NDUFAF6: variants seen among roughly 807,000 people sequenced by gnomAD.
NDUFAF6 encodes the protein NADH:ubiquinone oxidoreductase complex assembly factor 6.
A neutral mutation model predicts 40.8 loss-of-function variants in NDUFAF6; 45 were observed. The ratio of observed to expected loss-of-function variants is 1.10; its 90% CI spans 0.87 to 1.42. NDUFAF6 has a LOEUF of 1.42. Among genes scored for constraint, NDUFAF6 ranks in the 40% most tolerant of loss-of-function variants. The pLI is 0.00. For synonymous variants in NDUFAF6, 185 were observed against 155.9 expected (o/e 1.19, Z -1.39); for missense variants, 435 against 418.5 (o/e 1.04, Z -0.34).
intron 2 of NDUFAF6, among the ~76,000 whole-genome samples, chr8:95,015,244 T>G (rs1172242195): frequency 6.6e-6 from 1 of 152,198 alleles, no homozygotes; most frequent in Non-Finnish European, 1.5e-5. Context: ...AGAGTGGTTC[T>G]TGGTTCTATA....
At chr8:94,986,939 T>C (rs1239750803) in intron 2 of NDUFAF6, among the ~76,000 whole-genome samples, 1 of 152,230 alleles carries the variant, frequency 6.6e-6, no homozygotes, top group African/African-American at 2.4e-5. Flanking sequence ...TATCAATGTT[T>C]ACCTTAGTAG....
intron 2 of NDUFAF6, among the ~76,000 whole-genome samples, chr8:95,011,741 G>C (rs926865000): frequency 1.3e-5 from 2 of 152,148 alleles, no homozygotes; most frequent in Admixed American, 1.3e-4. Context: ...GAATTTCAGG[G>C]ATTCAGACAC....
chr8:95,038,756 C>T (rs565886552), intron 3 of NDUFAF6, among the ~76,000 whole-genome samples: 1 of 152,132 alleles, frequency 6.6e-6, no homozygotes, highest in African/African-American at 2.4e-5. Context: ...CAGCTCACTG[C>T]AACGTCTGCT....
At chr8:94,958,521 T>C (rs1823276239) in intron 1 of NDUFAF6, among the ~76,000 whole-genome samples, 1 of 119,556 alleles carries the variant, frequency 8.4e-6, no homozygotes, top group Non-Finnish European at 1.7e-5. Context: ...ATAGTCACAT[T>C]CTTTTTTTTT....
chr8:95,078,849 T>A (rs1237698620), downstream of NDUFAF6, among the ~76,000 whole-genome samples: 5 of 152,154 alleles, frequency 3.3e-5, no homozygotes, highest in Admixed American at 2.6e-4. Context: ...CAGTGTGCAG[T>A]TCAGATTTGT....
chr8:94,941,044 A>G, intron 1 of NDUFAF6: 1 of 779,302 alleles, frequency 1.3e-6, no homozygotes, highest in Non-Finnish European at 2.1e-6. Flanking sequence ...ATTAAAGTGC[A>G]CAGGGTGCTT....
At chr8:95,042,447 C>T (rs1830250924) in intron 4 of NDUFAF6, among the ~76,000 whole-genome samples, 1 of 152,146 alleles carries the variant, frequency 6.6e-6, no homozygotes, top group Non-Finnish European at 1.5e-5. Context: ...GTCATCTTTT[C>T]TGTTTTACAA....
intron 2 of NDUFAF6, among the ~76,000 whole-genome samples, chr8:94,998,398 ACACACACACACACACACACG>A (rs1826557792): frequency 3.9e-5 from 6 of 151,994 alleles, no homozygotes; most frequent in Admixed American, 3.9e-4. Context: ...ACACACACAC[ACACACACACACACACACACG>A]CAATGACAGC....
chr8:95,060,036 G>T (rs1832533178), downstream of NDUFAF6, among the ~76,000 whole-genome samples: 1 of 131,362 alleles, frequency 7.6e-6, no homozygotes, highest in Admixed American at 7.6e-5. Context: ...CTTAAAAGGA[G>T]GGTTTAATTA....
intron 1 of NDUFAF6, among the ~76,000 whole-genome samples, chr8:94,898,710 TA>T: frequency 6.6e-6 from 1 of 152,330 alleles, no homozygotes; most frequent in East Asian, 1.9e-4. Context: ...TGATCTTTTT[TA>T]GGGTGAAGTA....
intron 1 of NDUFAF6, among the ~76,000 whole-genome samples, chr8:94,937,406 A>C (rs1213076268): frequency 2.7e-5 from 4 of 148,864 alleles, no homozygotes; most frequent in Admixed American, 1.4e-4. Context: ...CTGCCACTGC[A>C]CTCCAGCCTG....
chr8:95,082,618 T>G (rs1242217185), intron 2 of NDUFAF6, among the ~76,000 whole-genome samples: 1 of 151,560 alleles, frequency 6.6e-6, no homozygotes, highest in Admixed American at 6.5e-5. Context: ...GTTCATGTGT[T>G]CCTTAGCATT....
chr8:95,031,993 A>T lies in NDUFAF6; in HGVS notation c.198-2A>T. The T allele has an allele frequency of 6.2e-7, 1 of 1,613,470 alleles. No homozygotes were observed. The highest frequency in any genetic ancestry group is 8.5e-7 in the Non-Finnish European group (1 of 1,179,414). ...ACTGTCTTTTTTTTCTGTCTGTTAC[A>T]GGAAACGGGATTATGAAGGTTATTT... On this transcript the variant is annotated splice_acceptor_variant, in intron 1 of 8. Transcript: ENST00000396124. LOFTEE classifies it high-confidence loss of function.
chr8:94,948,647 C>T (rs991670920), intron 2 of NDUFAF6, among the ~76,000 whole-genome samples: 8 of 152,202 alleles, frequency 5.3e-5, no homozygotes, highest in Admixed American at 1.3e-4. Flanking sequence ...CGCCGGGCCA[C>T]AAGCCCAAGC....
chr8:95,006,688 C>T (rs1489775298), intron 2 of NDUFAF6, among the ~76,000 whole-genome samples: 1 of 152,034 alleles, frequency 6.6e-6, no homozygotes, highest in Non-Finnish European at 1.5e-5. Flanking sequence ...CGAGACCAGC[C>T]TGGCAACATG....
intron 3 of NDUFAF6, among the ~76,000 whole-genome samples, chr8:95,037,656 C>T (rs7824488): frequency 0.018 from 2,679 of 152,266 alleles, 80 homozygotes; most frequent in African/African-American, 0.06. Flanking sequence ...TCCATACATA[C>T]ACCTTTGTCA....
At chr8:95,113,141 T>C (rs543700789) in intron 4 of NDUFAF6, among the ~76,000 whole-genome samples, 1 of 152,308 alleles carries the variant, frequency 6.6e-6, no homozygotes, top group South Asian at 2.1e-4. Context: ...TGTAAGCAAG[T>C]GGCAGAGGAA....
rs374385772 is a variant in NDUFAF6, at chr8:94,915,784, A to G, written c.-936+19857A>G. Reference sequence around the variant, plus strand: ...AGACCAGAACAGGTACACAGATCATATACTTACAAGGGGCTTCAGAGAAAT... The same window carrying G: ...AGACCAGAACAGGTACACAGATCATGTACTTACAAGGGGCTTCAGAGAAAT... On this transcript the variant is annotated intron_variant, in intron 1 of 14. Transcript: ENST00000396113. Among the ~76,000 whole-genome samples the G allele has an allele frequency of 1.1e-4, 17 of 152,324 alleles. No homozygotes were observed. In the East Asian group the frequency reaches 2.1e-3, roughly 19 times the overall value.
chr8:94,940,014 C>T, intron 1 of NDUFAF6: 1 of 1,614,156 alleles, frequency 6.2e-7, no homozygotes. Flanking sequence ...GTTAATCCAC[C>T]TGCAGTAAAA....
Sources: allele counts gnomAD v4.1 joint callset (sites outside exome capture counted in the v4.1 genomes callset), GRCh38; gene constraint gnomAD v4.1.1; transcripts MANE v1.5; gene names NCBI Gene and HGNC (gene_info 2026-07-23, HGNC 2026-07-21).